The following TMEM163 variants were observed in gnomAD, a reference collection of about 807,000 sequenced individuals.
TMEM163 encodes the protein transmembrane protein 163.
A neutral mutation model predicts 29.3 loss-of-function variants in TMEM163; 17 were observed. That is an observed-to-expected ratio of 0.58 (90% CI 0.40 to 0.87). The LOEUF (loss-of-function observed/expected upper bound fraction) is 0.87, where lower values mean the gene tolerates loss of function less well. TMEM163 is among the 40% of genes least tolerant of loss of function. The pLI is 0.00. For missense variants in TMEM163, 303 were observed against 381.5 expected (o/e 0.79, Z 1.71); for synonymous variants, 157 against 160.6 (o/e 0.98, Z 0.17).
At chr2:134,602,068 C>T (rs76888661) in intron 2 of TMEM163, among the ~76,000 whole-genome samples, 2,380 of 152,318 alleles carry the variant, frequency 0.016, 54 homozygotes, top group African/African-American at 0.054. Flanking sequence ...CAGCTGAAAG[C>T]AATCTCTACT....
chr2:134,710,970 G>A (rs746242846), intron 2 of TMEM163, among the ~76,000 whole-genome samples: 5 of 152,166 alleles, frequency 3.3e-5, no homozygotes, highest in Non-Finnish European at 7.4e-5. Context: ...AGAGCATTGC[G>A]TTTCATCCAT....
intron 2 of TMEM163, among the ~76,000 whole-genome samples, chr2:134,627,889 A>G (rs139006957): frequency 2.6e-5 from 4 of 152,352 alleles, no homozygotes; most frequent in Admixed American, 1.3e-4. Context: ...CAAATTTGAA[A>G]TGATGCTCTT....
intron 2 of TMEM163, among the ~76,000 whole-genome samples, chr2:134,552,738 T>C (rs1243411004): frequency 6.8e-5 from 10 of 147,892 alleles, no homozygotes; most frequent in Non-Finnish European, 1.5e-4. Context: ...CTCGGCTCAC[T>C]GCAACCTCTG....
At chr2:134,597,831 G>A (rs1682122898) in intron 2 of TMEM163, among the ~76,000 whole-genome samples, 1 of 152,116 alleles carries the variant, frequency 6.6e-6, no homozygotes, top group Non-Finnish European at 1.5e-5. Flanking sequence ...CTTCTTCCTG[G>A]TTTAGTCTTG....
intron 2 of TMEM163, among the ~76,000 whole-genome samples, chr2:134,594,924 C>A (rs1682033525): frequency 6.6e-6 from 1 of 150,908 alleles, no homozygotes; most frequent in Admixed American, 6.6e-5. Context: ...AAAAGAATGA[C>A]AAGGAAAGGT....
At chr2:134,597,055 G>T (rs1682103503) in intron 2 of TMEM163, among the ~76,000 whole-genome samples, 1 of 152,152 alleles carries the variant, frequency 6.6e-6, no homozygotes, top group Admixed American at 6.5e-5. Flanking sequence ...CATGTCATCT[G>T]CAAACAGGGA....
At chr2:134,690,226 C>T (rs1429265796) in intron 2 of TMEM163, among the ~76,000 whole-genome samples, 5 of 151,938 alleles carry the variant, frequency 3.3e-5, no homozygotes, top group African/African-American at 9.7e-5. Flanking sequence ...CCACCGTACC[C>T]GGCCTCTTTG....
intron 2 of TMEM163, among the ~76,000 whole-genome samples, chr2:134,632,994 G>A (rs1048348512): frequency 4.7e-5 from 7 of 147,976 alleles, no homozygotes; most frequent in Non-Finnish European, 8.9e-5. Context: ...TCCTGACCTC[G>A]TGATCCGCCT....
intron 2 of TMEM163, among the ~76,000 whole-genome samples, chr2:134,655,781 C>T (rs1268330104): frequency 1.4e-5 from 2 of 141,944 alleles, no homozygotes; most frequent in Non-Finnish European, 3.0e-5. Flanking sequence ...GGACCCTCAG[C>T]TGCAGGTCTG....
chr2:134,717,304 A>G (rs1261567619), intron 1 of TMEM163, among the ~76,000 whole-genome samples: 1 of 152,222 alleles, frequency 6.6e-6, no homozygotes, highest in East Asian at 1.9e-4. Flanking sequence ...ATCCTATAAT[A>G]AAAGTGAGAG....
intron 2 of TMEM163, among the ~76,000 whole-genome samples, chr2:134,604,345 G>T (rs1055714600): frequency 1.3e-5 from 2 of 151,756 alleles, no homozygotes; most frequent in Non-Finnish European, 2.9e-5. Context: ...CAATGGTTAG[G>T]TTTACATGTG....
At chr2:134,556,839 A>G (rs1681059244) in intron 2 of TMEM163, among the ~76,000 whole-genome samples, 1 of 152,188 alleles carries the variant, frequency 6.6e-6, no homozygotes, top group African/African-American at 2.4e-5. Flanking sequence ...TTTTAGAAAA[A>G]TTAATACTGT....
At chr2:134,560,943 A>G (rs1458230680) in intron 2 of TMEM163, among the ~76,000 whole-genome samples, 1 of 144,696 alleles carries the variant, frequency 6.9e-6, no homozygotes, top group Non-Finnish European at 1.5e-5. Flanking sequence ...TCACCAGCTC[A>G]GAGACAAAAA....
intron 2 of TMEM163, among the ~76,000 whole-genome samples, chr2:134,661,199 G>T (rs908095986): frequency 6.6e-5 from 10 of 152,116 alleles, no homozygotes; most frequent in Non-Finnish European, 1.3e-4. Context: ...AGATGTGAAA[G>T]AGAAGGCATG....
intron 4 of TMEM163, among the ~76,000 whole-genome samples, chr2:134,533,223 GTCA>G (rs1680452404): frequency 6.6e-6 from 1 of 152,176 alleles, no homozygotes; most frequent in African/African-American, 2.4e-5. Context: ...ACTCCATGAG[GTCA>G]TTAAAAAGAA....
At chr2:134,477,311 A>G (rs750635018) in intron 5 of TMEM163, among the ~76,000 whole-genome samples, 2 of 152,374 alleles carry the variant, frequency 1.3e-5, no homozygotes, top group South Asian at 2.1e-4. Context: ...AGATAGACAC[A>G]TAAGCCACTA....
chr2:134,629,321 A>G (rs1286565150), intron 2 of TMEM163, among the ~76,000 whole-genome samples: 1 of 152,200 alleles, frequency 6.6e-6, no homozygotes, highest in Non-Finnish European at 1.5e-5. Context: ...TTTGTAATAT[A>G]CCTCAAAAAA....
intron 4 of TMEM163, among the ~76,000 whole-genome samples, chr2:134,545,249 C>G (rs953259289): frequency 9.2e-5 from 14 of 152,188 alleles, no homozygotes; most frequent in Admixed American, 7.2e-4. Flanking sequence ...CCCCAGGCTC[C>G]TCTGTCACCC....
chr2:134,455,988 A>ATAGAT lies in TMEM163; in HGVS notation c.*723_*727dup, dbSNP rs1254479691. ...AGCATATAGATATATGCATATACGG[A>ATAGAT]TAGATTATATTTATTTATTACAAAT... is the stretch of plus-strand genomic sequence containing the variant. On this transcript the variant is annotated 3_prime_UTR_variant, in exon 8 of 8. Transcript: ENST00000281924. The ATAGAT allele has an allele frequency of 4.0e-4, 61 of 152,748 alleles. 1 individual carries two copies. The highest frequency in any genetic ancestry group is 2.0e-3 in the Admixed American group (31 of 15,302). The allele number at this position is 152,748 out of a possible 1,614,324, so 9.5% of individuals were successfully genotyped here.
Sources: gnomAD v4.1 joint callset for allele counts (sites outside exome capture counted in the v4.1 genomes callset) on GRCh38, gnomAD v4.1.1 for gene constraint, MANE v1.5 for transcripts, NCBI Gene and HGNC (gene_info 2026-07-23, HGNC 2026-07-21) for gene names.